The following TRIM2 variants were observed in gnomAD, a reference collection of about 807,000 sequenced individuals.
TRIM2 encodes tripartite motif-containing protein 2.
A neutral mutation model predicts 75.2 loss-of-function variants in TRIM2; 20 were observed. The ratio of observed to expected loss-of-function variants is 0.27; its 90% CI spans 0.19 to 0.39. TRIM2 has a LOEUF of 0.39. Among genes scored for constraint, TRIM2 ranks in the 10% least tolerant of loss-of-function variants. TRIM2 has a pLI of 1.00. For missense variants in TRIM2, 660 were observed against 990.8 expected, an observed-to-expected ratio of 0.67 and a Z score of 4.48; for synonymous variants, 373 against 388.3, an observed-to-expected ratio of 0.96 and a Z score of 0.46.
chr4:153,333,240 T>C (rs1771887918), intron 11 of TRIM2, among the ~76,000 whole-genome samples: 1 of 152,246 alleles, frequency 6.6e-6, no homozygotes, highest in East Asian at 1.9e-4. Flanking sequence ...TACTATATGA[T>C]TCTATTTGTG....
At chr4:153,313,970 A>T (rs1766957372) in intron 6 of TRIM2, among the ~76,000 whole-genome samples, 1 of 152,112 alleles carries the variant, frequency 6.6e-6, no homozygotes, top group African/African-American at 2.4e-5. Context: ...TGAAATTATA[A>T]ACCTGAAGAA....
intron 1 of TRIM2, among the ~76,000 whole-genome samples, chr4:153,269,938 A>AT (rs984408903): frequency 1.3e-4 from 20 of 151,362 alleles, no homozygotes; most frequent in Non-Finnish European, 2.1e-4. Context: ...TTTATTTTTT[A>AT]TTTTTTTGAG....
chr4:153,328,201 A>C (rs539530508), intron 10 of TRIM2, among the ~76,000 whole-genome samples: 100 of 152,368 alleles, frequency 6.6e-4, no homozygotes, highest in Non-Finnish European at 1.2e-3. Flanking sequence ...AGGTGGGAAG[A>C]ATAATATTAT....
intron 1 of TRIM2, among the ~76,000 whole-genome samples, chr4:153,192,039 A>G (rs1733242727): frequency 6.6e-6 from 1 of 152,090 alleles, no homozygotes; most frequent in South Asian, 2.1e-4. Context: ...CTCCTCTGCC[A>G]TCTCCACGTA....
At position 153,338,764 on chromosome 4, in the gene TRIM2, T is replaced by A. The variant is rs1772748870; in HGVS notation, c.*3798T>A. ...TAATATTCTAGAATAGATTAATAAA[T>A]TGGCTATGTTGTTCCAATGAATGTA... On this transcript the variant is annotated 3_prime_UTR_variant, in exon 12 of 12. Coordinates refer to ENST00000338700, the MANE Select transcript of TRIM2 (RefSeq NM_015271.5). 1 of 985,702 alleles carries A rather than the reference T, an allele frequency of 1.0e-6. No homozygotes were observed. Among genetic ancestry groups the A allele is most frequent in the African/African-American group, 1.7e-5 (1 of 57,238 alleles). The allele number at this position is 985,702 out of a possible 1,614,324, so 61.1% of individuals were successfully genotyped here.
chr4:153,220,499 G>A (rs558850459), intron 1 of TRIM2, among the ~76,000 whole-genome samples: 6 of 152,168 alleles, frequency 3.9e-5, no homozygotes, highest in African/African-American at 1.4e-4. Flanking sequence ...CGTAGAATAA[G>A]AACAAATATT....
At chr4:153,305,543 G>A (rs1369419326) in intron 6 of TRIM2, among the ~76,000 whole-genome samples, 1 of 152,222 alleles carries the variant, frequency 6.6e-6, no homozygotes, top group Non-Finnish European at 1.5e-5. Context: ...TCATGGTTCT[G>A]GAGGCTGTGA....
chr4:153,225,625 T>A (rs1741905470), intron 1 of TRIM2, among the ~76,000 whole-genome samples: 1 of 152,174 alleles, frequency 6.6e-6, no homozygotes, highest in Non-Finnish European at 1.5e-5. Context: ...TAGTATTTGG[T>A]TTAAGGGTTA....
At chr4:153,328,334 A>T (rs1339806151) in intron 10 of TRIM2, among the ~76,000 whole-genome samples, 196 bp from the exon 11 acceptor site, 1 of 152,218 alleles carries the variant, frequency 6.6e-6, no homozygotes, top group African/African-American at 2.4e-5. Context: ...ACAAATGATA[A>T]ATCAGATTTA....
chr4:153,194,567 TG>T (rs781356645), intron 1 of TRIM2, among the ~76,000 whole-genome samples: 1 of 151,988 alleles, frequency 6.6e-6, no homozygotes, highest in Non-Finnish European at 1.5e-5. Flanking sequence ...AGTGGATGCT[TG>T]GGGATGGAGC....
At chr4:153,172,466 C>A (rs1264310862) in intron 1 of TRIM2, among the ~76,000 whole-genome samples, 2 of 152,156 alleles carry the variant, frequency 1.3e-5, no homozygotes, top group Non-Finnish European at 2.9e-5. Context: ...GGATTACAGG[C>A]ATGAGCCACT....
At chr4:153,218,877 A>G (rs1739208216) in intron 1 of TRIM2, among the ~76,000 whole-genome samples, 1 of 152,180 alleles carries the variant, frequency 6.6e-6, no homozygotes, top group Admixed American at 6.5e-5. Context: ...CTACTCAAAG[A>G]AGAAAAAAAA....
intron 1 of TRIM2, among the ~76,000 whole-genome samples, chr4:153,240,195 T>C (rs1746192881): frequency 6.6e-6 from 1 of 152,212 alleles, no homozygotes; most frequent in Admixed American, 6.5e-5. Flanking sequence ...ATCATACTCA[T>C]ACCCACAATT....
chr4:153,247,268 G>T (rs1293798001), intron 1 of TRIM2, among the ~76,000 whole-genome samples: 1 of 152,186 alleles, frequency 6.6e-6, no homozygotes, highest in Admixed American at 6.5e-5. Flanking sequence ...TGAGACCTCA[G>T]CAAGAGTAAC....
chr4:153,175,767 A>G (rs887780536), intron 1 of TRIM2, among the ~76,000 whole-genome samples: 10 of 152,332 alleles, frequency 6.6e-5, no homozygotes, highest in Admixed American at 6.5e-4. Flanking sequence ...CATTATTGGG[A>G]TAATTGGTGA....
At chr4:153,330,306 A>G (rs191531157) in intron 11 of TRIM2, among the ~76,000 whole-genome samples, 1 of 152,302 alleles carries the variant, frequency 6.6e-6, no homozygotes, top group Admixed American at 6.5e-5. Context: ...TTCCCAACTC[A>G]TTTTCCAATC....
intron 1 of TRIM2, among the ~76,000 whole-genome samples, chr4:153,262,609 T>A (rs571987732): frequency 5.9e-5 from 9 of 152,082 alleles, no homozygotes; most frequent in Non-Finnish European, 1.3e-4. Flanking sequence ...TTGGGGAGGG[T>A]AGGAATCTTG....
chr4:153,289,204 C>T (rs1761328976), intron 3 of TRIM2, among the ~76,000 whole-genome samples: 1 of 152,000 alleles, frequency 6.6e-6, no homozygotes, highest in Admixed American at 6.6e-5. Flanking sequence ...TCAGAGTCTC[C>T]CCTCTCCCTA....
Position 153,337,790 on chromosome 4 carries a change from T to C in TRIM2, c.*2824T>C. On this transcript the variant is annotated 3_prime_UTR_variant, in exon 12 of 12. Transcript: ENST00000338700. ...TATAGAACCTGTCATACATTCATGA[T>C]AAGTAGCACTGAAAAATTACTCATT... 3.0e-6 allele frequency: 3 copies of C among 985,876 alleles called. No homozygotes were observed. Among genetic ancestry groups the C allele is most frequent in the Non-Finnish European group, 3.6e-6 (3 of 829,940 alleles). 61.1% of individuals were successfully genotyped at this position (985,876 alleles called of 1,614,324 possible). A position where few individuals can be genotyped will look rare whatever the true frequency, so the allele number is the denominator to read the frequency against.
Sources: gnomAD v4.1 joint callset for allele counts (sites outside exome capture counted in the v4.1 genomes callset) on GRCh38, gnomAD v4.1.1 for gene constraint, MANE v1.5 for transcripts, NCBI Gene and HGNC (gene_info 2026-07-23, HGNC 2026-07-21) for gene names.